Variants in RB1 observed in about 807,000 individuals in gnomAD.
RB1 encodes the protein RB transcriptional corepressor 1.
RB1 carries 18 observed loss-of-function variants against 135.4 expected under a neutral mutation model. The observed-to-expected ratio is 0.13, with a 90% CI of 0.09 to 0.20. The LOEUF (loss-of-function observed/expected upper bound fraction) is 0.20, where lower values mean the gene tolerates loss of function less well. RB1 is among the 10% of genes least tolerant of loss of function. The pLI is 1.00. For missense variants in RB1, 868 were observed against 1,110.0 expected (o/e 0.78, Z 3.10); for synonymous variants, 365 against 373.2 (o/e 0.98, Z 0.25).
intron 17 of RB1, chr13:48,412,357 T>C: frequency 6.2e-7 from 1 of 1,613,896 alleles, no homozygotes; most frequent in Non-Finnish European, 8.5e-7. Context: ...ATGCTGAACA[T>C]GCACCCATAC....
intron 11 of RB1, 40 bp from the exon 12 acceptor site, chr13:48,373,365 T>C (rs989051965): frequency 1.6e-6 from 2 of 1,260,368 alleles, no homozygotes; most frequent in Admixed American, 3.4e-5. Flanking sequence ...TTTTTCTCCC[T>C]TCATTGCTTA....
intron 2 of RB1, among the ~76,000 whole-genome samples, chr13:48,309,802 AACTAT>A (rs1952116205): frequency 6.6e-6 from 1 of 152,186 alleles, no homozygotes; most frequent in African/African-American, 2.4e-5. Context: ...TTTTGTACTA[AACTAT>A]AACAATAATA....
chr13:48,328,545 C>G, intron 2 of RB1: 2 of 729,110 alleles, frequency 2.7e-6, no homozygotes, highest in Middle Eastern at 3.8e-4. Context: ...TCTCCTCTCC[C>G]GCCTTCCCAT....
Position 48,360,075 on chromosome 13 carries a change from C to A in RB1, c.666C>A (p.Val222=), listed in dbSNP as rs761248555. The A allele has an allele frequency of 4.3e-6, 7 of 1,612,472 alleles. No homozygotes were observed. The South Asian group carries it at 6.6e-5, about 15-fold the overall frequency. ...TTTCATTTCAGTTAATGCTATGTGT[C>A]CTTGACTATTTTATTAAACTCTCAC... The part of the protein sequence containing the change: ...LVISFQLMLC[V]LDYFIKLSPP... The change falls in exon 7 of 27, where the codon GTC becomes GTA. Residue 222 remains valine, a synonymous_variant. Coordinates refer to ENST00000267163, the MANE Select transcript of RB1 (RefSeq NM_000321.3).
chr13:48,412,711 T>TACA (rs1238999193), intron 17 of RB1: 1 of 463,112 alleles, frequency 2.2e-6, no homozygotes, highest in African/African-American at 2.0e-5. Context: ...CTTTAAAAAA[T>TACA]ACAGTCAACG....
chr13:48,474,590 C>T (rs1046851920), intron 24 of RB1, among the ~76,000 whole-genome samples: 2 of 152,150 alleles, frequency 1.3e-5, no homozygotes, highest in African/African-American at 4.8e-5. Context: ...CAGCCTGTCC[C>T]TGCCTACTGG....
chr13:48,334,228 G>T (rs1334045216), intron 2 of RB1, among the ~76,000 whole-genome samples: 4 of 152,180 alleles, frequency 2.6e-5, no homozygotes, highest in Non-Finnish European at 5.9e-5. Context: ...TTGAGTACAA[G>T]TAAGGTCAGT....
chr13:48,420,214 A>T (rs1407663396), intron 17 of RB1, among the ~76,000 whole-genome samples: 2 of 152,226 alleles, frequency 1.3e-5, no homozygotes, highest in Admixed American at 6.5e-5. Context: ...CATCCCTGGG[A>T]TGCAAGGCTG....
chr13:48,346,728 A>G, intron 4 of RB1, among the ~76,000 whole-genome samples: 1 of 152,046 alleles, frequency 6.6e-6, no homozygotes, highest in Admixed American at 6.6e-5. Context: ...AGCAGGATAT[A>G]CTCTGATTAT....
At chr13:48,459,329 T>A (rs1052848437) in intron 19 of RB1, among the ~76,000 whole-genome samples, 1 of 152,126 alleles carries the variant, frequency 6.6e-6, no homozygotes, top group African/African-American at 2.4e-5. Context: ...TTAAAAAAAC[T>A]CATGCCTACA....
intron 2 of RB1, among the ~76,000 whole-genome samples, chr13:48,325,820 T>G (rs940175230): frequency 1.3e-5 from 2 of 152,150 alleles, no homozygotes; most frequent in African/African-American, 4.8e-5. Context: ...TACATTTTCA[T>G]GCACAAATGA....
intron 1 of RB1, among the ~76,000 whole-genome samples, chr13:48,304,947 A>G (rs1326028935): frequency 3.3e-5 from 5 of 152,126 alleles, no homozygotes; most frequent in East Asian, 3.8e-4. Flanking sequence ...GTTTTCCCTT[A>G]TTAAGTGGAA....
chr13:48,394,483 A>G (rs1948633166), intron 17 of RB1, among the ~76,000 whole-genome samples: 1 of 152,232 alleles, frequency 6.6e-6, no homozygotes, highest in South Asian at 2.1e-4. Flanking sequence ...CATGGAGCCA[A>G]GCAAGCTAAG....
intron 2 of RB1, among the ~76,000 whole-genome samples, chr13:48,311,578 T>TA (rs1952130887): frequency 6.9e-6 from 1 of 145,172 alleles, no homozygotes; most frequent in South Asian, 2.2e-4. Context: ...ATAGAAAAGG[T>TA]ACAGTAGATC....
Position 48,305,304 on chromosome 13 carries a change from T to A in RB1, c.137+1255T>A, listed in dbSNP as rs75287431. Among the ~76,000 whole-genome samples, 564 of 152,330 alleles carry A rather than the reference T, an allele frequency of 3.7e-3. 7 individuals carry two copies. The highest frequency in any genetic ancestry group is 0.013 in the African/African-American group (542 of 41,580). ...CCCCTGGAAGGCTATTAAAAATTTA[T>A]ATATTTAAATGGACTGTCTTATAGG... On this transcript the variant is annotated intron_variant, in intron 1 of 26. Coordinates refer to ENST00000267163, the MANE Select transcript of RB1 (RefSeq NM_000321.3).
chr13:48,317,084 G>A, intron 2 of RB1: 2 of 867,746 alleles, frequency 2.3e-6, no homozygotes, highest in Non-Finnish European at 3.2e-6. Flanking sequence ...GCCAGGGCCC[G>A]CCGTCCTTCT....
intron 17 of RB1, among the ~76,000 whole-genome samples, chr13:48,397,316 A>T (rs1166578327): frequency 6.6e-6 from 1 of 152,202 alleles, no homozygotes; most frequent in Non-Finnish European, 1.5e-5. Context: ...ATGCAGCCAT[A>T]AAAAAGGATG....
intron 17 of RB1, among the ~76,000 whole-genome samples, chr13:48,387,251 T>C (rs1948577859): frequency 6.6e-6 from 1 of 152,202 alleles, no homozygotes; most frequent in African/African-American, 2.4e-5. Context: ...TTGTAGAATA[T>C]GGTTATTTTT....
intron 8 of RB1, among the ~76,000 whole-genome samples, chr13:48,363,586 C>T (rs533426909): frequency 6.6e-6 from 1 of 152,150 alleles, no homozygotes; most frequent in South Asian, 2.1e-4. Flanking sequence ...CAAAAAAGCC[C>T]TGCTTAGAAA....
Sources: allele counts gnomAD v4.1 joint callset (sites outside exome capture counted in the v4.1 genomes callset), GRCh38; gene constraint gnomAD v4.1.1; transcripts MANE v1.5; gene names NCBI Gene and HGNC (gene_info 2026-07-23, HGNC 2026-07-21).